The following INTS11 variants were observed in gnomAD, a reference collection of about 807,000 sequenced individuals.
INTS11 encodes CPSF3-like protein.
INTS11 carries 77 observed loss-of-function variants against 78.6 expected under a neutral mutation model. That is an observed-to-expected ratio of 0.98 (90% CI 0.81 to 1.18). The LOEUF (loss-of-function observed/expected upper bound fraction) is 1.18, where lower values mean the gene tolerates loss of function less well. Ranked by LOEUF, INTS11 falls within the 50% of genes most tolerant of loss-of-function variation. The pLI is 0.00. For missense variants in INTS11, 875 were observed against 825.9 expected, an observed-to-expected ratio of 1.06 and a Z score of -0.73; for synonymous variants, 441 against 326.9, an observed-to-expected ratio of 1.35 and a Z score of -3.77.
chr1:1,312,151 T>C lies in INTS11; in HGVS notation c.1608-4A>G, dbSNP rs768042214. 20 of 1,467,462 alleles carry C rather than the reference T, an allele frequency of 1.4e-5. No individual in the cohort carries two copies. Among genetic ancestry groups the C allele is most frequent in the Middle Eastern group, 2.3e-4 (1 of 4,420 alleles). The allele number at this position is 1,467,462 out of a possible 1,614,324, so 90.9% of individuals were successfully genotyped here. On this transcript the variant is annotated splice_polypyrimidine_tract_variant and splice_region_variant and intron_variant, in intron 15 of 16. Transcript: ENST00000435064. ...CACACAGTGGTCCTTCAGGACGCTG[T>C]GGGGAGGCTCGGTGAGACCCTGCCT...
chr1:1,313,419 C>G, intron 10 of INTS11, 90 bp downstream of exon 10: 2 of 1,472,844 alleles, frequency 1.4e-6, no homozygotes, highest in Non-Finnish European at 1.9e-6. Flanking sequence ...AGCACGAGGC[C>G]AAGCCAGTGA....
chr1:1,320,463 TCA>T lies in INTS11; in HGVS notation c.191_192del (p.Val64AspfsTer3). 3 of 1,613,742 alleles carry T rather than the reference TCA, an allele frequency of 1.9e-6. No homozygotes were observed. In the South Asian group the frequency reaches 3.3e-5, roughly 18 times the overall value. The stretch of plus-strand genomic sequence containing the variant: ...CCCCCAACAGGAACCCACCTAATGA[TCA>T]CACAGTCCAGGAAGTCTGTTAGGCG... ...NGRLTDFLDCVIISHFHLDHC... is the reference protein window; with the variant it reads ...NGRLTDFLDCXIISHFHLDHC... On this transcript the variant is annotated frameshift_variant, in exon 3 of 17. Coordinates refer to ENST00000435064, the MANE Select transcript of INTS11 (RefSeq NM_017871.6). LOFTEE classifies it high-confidence loss of function.
chr1:1,318,803 G>C, intron 4 of INTS11: 1 of 594,750 alleles, frequency 1.7e-6, no homozygotes, highest in East Asian at 2.9e-5. Context: ...GTGAGACACA[G>C]ACAAACCCAT....
At chr1:1,318,207 A>AC (rs965521812) in intron 4 of INTS11, among the ~76,000 whole-genome samples, 3 of 152,188 alleles carry the variant, frequency 2.0e-5, no homozygotes, top group African/African-American at 7.2e-5. Flanking sequence ...GCACCAGCAG[A>AC]CCCACACTCA....
intron 4 of INTS11, chr1:1,319,031 C>G (rs536299394): frequency 1.4e-6 from 1 of 716,804 alleles, no homozygotes; most frequent in African/African-American, 1.7e-5. Flanking sequence ...ATTTCAATGC[C>G]GCTCGGACAG....
intron 2 of INTS11, 142 bp downstream of exon 2, chr1:1,320,854 C>A (rs571102449): frequency 1.2e-6 from 1 of 841,956 alleles, no homozygotes; most frequent in Admixed American, 1.9e-5. Flanking sequence ...CCAGGCCCAC[C>A]CATCCCTGCT....
rs1303864071 is a variant in INTS11, at chr1:1,314,324, G to C, written c.744C>G (p.Leu248=). 6 of 1,605,804 alleles carry C rather than the reference G, an allele frequency of 3.7e-6. No homozygotes were observed. Among genetic ancestry groups the C allele is most frequent in the Admixed American group, 1.7e-5 (1 of 58,892 alleles). ...PVFALGRAQE[L]CILLETFWER... is the part of the protein sequence containing the mutation. ...ACCAGAAGGTCTCCAGGAGGATGCA[G>C]AGCTCCTGGGCGCGGCCCAGCGCGA... The change falls in exon 8 of 17, where the codon CTC becomes CTG. Residue 248 remains leucine, a synonymous_variant. Transcript: ENST00000435064. The surrounding 1 kb of genome is among the most constrained non-coding windows in gnomAD (Gnocchi z 4.2).
At chr1:1,313,370 G>A (rs1445593299) in intron 10 of INTS11, 139 bp downstream of exon 10, 20 of 1,013,268 alleles carry the variant, frequency 2.0e-5, no homozygotes, top group Admixed American at 1.6e-4. Flanking sequence ...GGCGGACATC[G>A]CCCCCGTTCC....
At position 1,314,340 on chromosome 1, in the gene INTS11, C is replaced by G. The variant is rs1642440249; in HGVS notation, c.728G>C (p.Gly243Ala). The change falls in exon 8 of 17, where the codon GGC becomes GCC. Residue 243 changes from glycine to alanine, a missense_variant. Physicochemically the swap from Gly to Ala is moderately conservative, Grantham distance 60. Transcript: ENST00000435064. This position sits in a 1 kb window ranked among gnomAD's most constrained non-coding sequence, Gnocchi z 4.2. ...GKVLIPVFAL[G>A]RAQELCILLE... ...GAGGATGCAGAGCTCCTGGGCGCGG[C>G]CCAGCGCGAACACAGGTATCAGCAC... 1.2e-6 allele frequency: 2 copies of G among 1,607,542 alleles called. No individual in the cohort carries two copies. Among genetic ancestry groups the G allele is most frequent in the Non-Finnish European group, 1.7e-6 (2 of 1,177,862 alleles).
intron 3 of INTS11, 74 bp downstream of exon 3, chr1:1,320,382 C>T: frequency 6.9e-7 from 1 of 1,456,274 alleles, no homozygotes; most frequent in Non-Finnish European, 9.6e-7. Context: ...CCAAACGCTG[C>T]CGAGACCAAG....
chr1:1,319,806 C>T (rs1204153342), intron 3 of INTS11: 5 of 418,828 alleles, frequency 1.2e-5, no homozygotes, highest in East Asian at 8.7e-5. Context: ...ATAGGGGAGC[C>T]GCTGGCTTTT....
At chr1:1,313,366 C>T in intron 10 of INTS11, 143 bp downstream of exon 10, 1 of 991,198 alleles carries the variant, frequency 1.0e-6, no homozygotes, top group Non-Finnish European at 1.5e-6. Flanking sequence ...TCCAGGCGGA[C>T]ATCGCCCCCG....
At chr1:1,313,199 G>A (rs997283135) in intron 10 of INTS11, 75 bp from the exon 11 acceptor site, 51 of 1,480,778 alleles carry the variant, frequency 3.4e-5, no homozygotes, top group African/African-American at 6.9e-5. Flanking sequence ...GGATGCCCCC[G>A]CCTGAACCCC....
rs762467913 is a variant in INTS11 at position 1,315,537 on chromosome 1, C to CTT, written c.510_511insAA (p.Glu171LysfsTer12). ...CCACTGACCGTGTAGACCACAGACTCTGAGCCCACTTTAATCTGGAACATG... is the reference window on the plus strand; with the variant it reads ...CCACTGACCGTGTAGACCACAGACTCTTTGAGCCCACTTTAATCTGGAACATG... On this transcript the variant is annotated frameshift_variant, in exon 5 of 17. Coordinates refer to ENST00000435064, the MANE Select transcript of INTS11 (RefSeq NM_017871.6). LOFTEE classifies it high-confidence loss of function. 114 of 1,612,880 alleles carry CTT rather than the reference C, an allele frequency of 7.1e-5. No homozygotes were observed. Among genetic ancestry groups the CTT allele is most frequent in the South Asian group, 4.4e-4 (40 of 91,012 alleles).
chr1:1,315,920 G>C (rs569072670), intron 4 of INTS11, among the ~76,000 whole-genome samples: 1 of 152,274 alleles, frequency 6.6e-6, no homozygotes, highest in Non-Finnish European at 1.5e-5. Context: ...GTTCACAAGG[G>C]ACGGGCAACG....
intron 13 of INTS11, 37 bp downstream of exon 13, chr1:1,312,556 C>G (rs1487127761): frequency 6.3e-7 from 1 of 1,582,260 alleles, no homozygotes; most frequent in African/African-American, 1.3e-5. Flanking sequence ...AGCCGCCTGC[C>G]CCGAGCACCC....
chr1:1,316,137 C>G (rs543927500), intron 4 of INTS11: 1 of 194,804 alleles, frequency 5.1e-6, no homozygotes, highest in African/African-American at 2.4e-5. Flanking sequence ...CAAAAGTAAG[C>G]CAGGTGTGGA....
Position 1,321,055 on chromosome 1 carries a change from A to C in INTS11, c.67T>G (p.Ser23Ala). Residue 23 changes from serine (S) to alanine (A), a missense_variant, in exon 2 of 17, where the codon TCC becomes GCC. Coordinates refer to ENST00000435064, the MANE Select transcript of INTS11 (RefSeq NM_017871.6). ...AGCATGACATTCTTGCCCGCAATGG[A>C]GACCAGGATGCAGCTTCGGCCCACG... ...QDVGRSCILV[S>A]IAGKNVMLDC... 1 of 1,612,934 alleles carries C rather than the reference A, an allele frequency of 6.2e-7. No homozygotes were observed. The highest frequency in any genetic ancestry group is 8.5e-7 in the Non-Finnish European group (1 of 1,179,798).
chr1:1,320,608 C>T (rs1341929980), intron 2 of INTS11, 79 bp from the exon 3 acceptor site: 1 of 1,454,782 alleles, frequency 6.9e-7, no homozygotes, highest in Non-Finnish European at 9.7e-7. Flanking sequence ...CAGGGAGGGG[C>T]CCCCAGGAAG....
Sources: allele counts gnomAD v4.1 joint callset (sites outside exome capture counted in the v4.1 genomes callset), GRCh38; gene constraint gnomAD v4.1.1; non-coding constraint Gnocchi (gnomAD v3.1); transcripts MANE v1.5; gene names NCBI Gene and HGNC (gene_info 2026-07-23, HGNC 2026-07-21).